The following RAB44 variants were observed in gnomAD, a reference collection of about 807,000 sequenced individuals.
The protein encoded by RAB44 is ras-related protein Rab-44.
RAB44 carries 67 observed loss-of-function variants against 93.3 expected under a neutral mutation model. The observed-to-expected ratio is 0.72, with a 90% confidence interval of 0.59 to 0.88. The LOEUF is 0.88. Ranked by LOEUF, RAB44 falls within the 40% of genes least tolerant of loss-of-function variation. RAB44 has a pLI of 0.00. For missense variants in RAB44, 1,064 were observed against 1,261.7 expected (o/e 0.84, Z 2.37); for synonymous variants, 427 against 520.3 (o/e 0.82, Z 2.44).
At chr6:36,710,435 C>T (rs9470378) in intron 2 of RAB44, among the ~76,000 whole-genome samples, 32,891 of 152,100 alleles carry the variant, frequency 0.22, 6,509 homozygotes, top group African/African-American at 0.53. Flanking sequence ...ATTTTGTCTA[C>T]CCTCTTATCT....
intron 3 of RAB44, among the ~76,000 whole-genome samples, chr6:36,714,379 C>T (rs1414368869): frequency 6.6e-6 from 1 of 152,164 alleles, no homozygotes; most frequent in Non-Finnish European, 1.5e-5. Flanking sequence ...GAGCCCATGG[C>T]CAGCAGGGCA....
chr6:36,713,984 G>A, intron 3 of RAB44, 45 bp downstream of exon 3: 1 of 1,257,074 alleles, frequency 8.0e-7, no homozygotes, highest in Non-Finnish European at 1.1e-6. Flanking sequence ...GGTGTTCCGT[G>A]CAGTGTGCCC....
chr6:36,720,273 TG>T, intron 7 of RAB44, 89 bp from the exon 8 acceptor site: 1 of 1,086,592 alleles, frequency 9.2e-7, no homozygotes, highest in Non-Finnish European at 1.2e-6. Flanking sequence ...GGACAGGGGG[TG>T]GGGGTCTGTG....
chr6:36,729,478 CTTTCTTTCTTTT>C (rs1476864993), intron 12 of RAB44, among the ~76,000 whole-genome samples: 1 of 149,570 alleles, frequency 6.7e-6, no homozygotes, highest in East Asian at 2.0e-4. Flanking sequence ...TTTTTTCTTT[CTTTCTTTCTTTT>C]TTTTTTTTTT....
chr6:36,726,775 G>A (rs938063923), intron 10 of RAB44, among the ~76,000 whole-genome samples: 1 of 151,600 alleles, frequency 6.6e-6, no homozygotes, highest in East Asian at 1.9e-4. Context: ...CACAAAGACT[G>A]AGGACTCTCT....
chr6:36,703,414 A>C (rs1477261883), intron 1 of RAB44, among the ~76,000 whole-genome samples: 1 of 152,192 alleles, frequency 6.6e-6, no homozygotes, highest in Non-Finnish European at 1.5e-5. Flanking sequence ...ACTGCAGGGA[A>C]GGCTTCTTGG....
rs112332494 is a variant in RAB44, at chr6:36,731,177, A to C, written c.2975+428A>C. The stretch of plus-strand genomic sequence containing the variant: ...CATTCACTCACACCCACACACACTC[A>C]CACTCTTACACACACTCACACTCAC... On this transcript the variant is annotated intron_variant, in intron 13 of 13. Coordinates refer to ENST00000612677, the MANE Select transcript of RAB44 (RefSeq NM_001257357.2). This position sits in a 1 kb window ranked among gnomAD's most constrained non-coding sequence, Gnocchi z 4.0. Among the ~76,000 whole-genome samples the C allele has an allele frequency of 7.5e-6, 1 of 133,354 alleles. No homozygotes were observed. The highest frequency in any genetic ancestry group is 1.7e-5 in the Non-Finnish European group (1 of 57,748). The allele number at this position is 133,354 out of a possible 152,430, so 87.5% of individuals were successfully genotyped here. A position where few individuals can be genotyped will look rare whatever the true frequency, so the allele number is the denominator to read the frequency against.
At position 36,718,063 on chromosome 6, in the gene RAB44, T is replaced by A; in HGVS notation, c.677T>A (p.Leu226His). 1 of 1,231,990 alleles carries A rather than the reference T, an allele frequency of 8.1e-7. No homozygotes were observed. The highest frequency in any genetic ancestry group is 1.0e-6 in the Non-Finnish European group (1 of 987,982). 76.3% of individuals were successfully genotyped at this position (1,231,990 alleles called of 1,614,324 possible). A position where few individuals can be genotyped will look rare whatever the true frequency, so the allele number is the denominator to read the frequency against. The change falls in exon 6 of 14, where the codon CTC (leucine) becomes CAC (histidine). Residue 226 changes from leucine (L) to histidine (H), a missense_variant. Leu to His is a moderately conservative substitution (Grantham distance 99). Coordinates refer to ENST00000612677, the MANE Select transcript of RAB44 (RefSeq NM_001257357.2). ...DSDHHREVQQ[L>H]YEEMEQQIRQ... is the part of the protein sequence containing the mutation. ...GACCACCACCGCGAGGTCCAGCAGC[T>A]CTATGAGGAGATGGAGCAGCAGATC...
At chr6:36,712,905 G>A (rs916773326) in intron 2 of RAB44, among the ~76,000 whole-genome samples, 1 of 152,128 alleles carries the variant, frequency 6.6e-6, no homozygotes, top group Non-Finnish European at 1.5e-5. Flanking sequence ...ATAAAAACAC[G>A]AAATTCACAG....
chr6:36,706,997 C>G (rs1383866886), intron 2 of RAB44, among the ~76,000 whole-genome samples: 1 of 152,064 alleles, frequency 6.6e-6, no homozygotes, highest in Non-Finnish European at 1.5e-5. Flanking sequence ...GATTCAGATA[C>G]CACTTGAAAT....
In RAB44 at chr6:36,718,054, T is replaced by C; in HGVS notation, c.668T>C (p.Val223Ala). The C allele has an allele frequency of 1.6e-6, 2 of 1,231,734 alleles. No individual in the cohort carries two copies. The highest frequency in any genetic ancestry group is 2.0e-6 in the Non-Finnish European group (2 of 987,952). 76.3% of individuals were successfully genotyped at this position (1,231,734 alleles called of 1,614,324 possible). The stretch of plus-strand genomic sequence containing the variant: ...CGTGACTCTGACCACCACCGCGAGG[T>C]CCAGCAGCTCTATGAGGAGATGGAG... ...RKRDSDHHRE[V>A]QQLYEEMEQQ... is the part of the protein sequence containing the mutation. Residue 223 changes from valine (V) to alanine (A), a missense_variant, in exon 6 of 14, where the codon GTC becomes GCC. Physicochemically the swap from Val to Ala is moderately conservative, Grantham distance 64. Transcript: ENST00000612677.
chr6:36,713,960 C>T lies in RAB44; in HGVS notation c.319+21C>T, dbSNP rs563477487. The T allele has an allele frequency of 2.2e-5, 32 of 1,434,306 alleles. No individual in the cohort carries two copies. In the South Asian group the frequency reaches 3.7e-4, roughly 16 times the overall value. The allele number at this position is 1,434,306 out of a possible 1,614,324, so 88.8% of individuals were successfully genotyped here. On this transcript the variant is annotated intron_variant, in intron 3 of 13. Coordinates refer to ENST00000612677, the MANE Select transcript of RAB44 (RefSeq NM_001257357.2). ...ACTCAGTATGTCTGTCTTTGGAGGGCCTCTGGGCACCCAGGTGTTCCGTGC... is the reference window on the plus strand; with the variant it reads ...ACTCAGTATGTCTGTCTTTGGAGGGTCTCTGGGCACCCAGGTGTTCCGTGC...
intron 1 of RAB44, among the ~76,000 whole-genome samples, chr6:36,703,731 G>A (rs1401375012): frequency 6.6e-6 from 1 of 152,114 alleles, no homozygotes; most frequent in Non-Finnish European, 1.5e-5. Flanking sequence ...TGACAGGGGA[G>A]GAGGTGTCGG....
chr6:36,727,760 C>G (rs1260204051), intron 11 of RAB44, 69 bp downstream of exon 11: 11 of 952,474 alleles, frequency 1.2e-5, no homozygotes, highest in Non-Finnish European at 1.8e-5. Flanking sequence ...CCTGCCCACT[C>G]CCTCTTTTCT....
rs1763093368 is a variant in RAB44 at position 36,721,846 on chromosome 6, C to T, written c.1712C>T (p.Thr571Ile). The T allele has an allele frequency of 8.1e-7, 1 of 1,234,862 alleles. No individual in the cohort carries two copies. The highest frequency in any genetic ancestry group is 4.2e-5 in the Admixed American group (1 of 23,716). The allele number at this position is 1,234,862 out of a possible 1,614,324, so 76.5% of individuals were successfully genotyped here. A position where few individuals can be genotyped will look rare whatever the true frequency, so the allele number is the denominator to read the frequency against. ...GAAACCCAGCCCGGACCCTCACCCA[C>T]AACTGCCCTCACAGGAGTGGGCCCA... ...ERETQPGPSPTTALTGVGPAK... is the reference protein window; with the variant it reads ...ERETQPGPSPITALTGVGPAK... Residue 571 changes from threonine (T) to isoleucine (I), a missense_variant, in exon 9 of 14, where the codon ACA (threonine) becomes ATA (isoleucine). Coordinates refer to ENST00000612677, the MANE Select transcript of RAB44 (RefSeq NM_001257357.2).
At position 36,731,140 on chromosome 6, in the gene RAB44, T is replaced by TACACACACACACATTCACTCACACCC. The variant is rs1554190742; in HGVS notation, c.2975+400_2975+425dup. Among the ~76,000 whole-genome samples, 2 of 150,936 alleles carry TACACACACACACATTCACTCACACCC rather than the reference T, an allele frequency of 1.3e-5. No individual in the cohort carries two copies. The highest frequency in any genetic ancestry group is 3.0e-5 in the Non-Finnish European group (2 of 67,720). ...TCTCTAGTGCCATCTCCCCCACCCC[T>TACACACACACACATTCACTCACACCC]ACACACACACACATTCACTCACACC... On this transcript the variant is annotated intron_variant, in intron 13 of 13. Transcript: ENST00000612677. The surrounding 1 kb of genome is among the most constrained non-coding windows in gnomAD (Gnocchi z 4.0).
intron 1 of RAB44, among the ~76,000 whole-genome samples, chr6:36,698,618 G>A (rs1326661513): frequency 2.6e-5 from 4 of 152,158 alleles, no homozygotes; most frequent in Admixed American, 6.5e-5. Flanking sequence ...CTATATGTGT[G>A]TCCTAGCCAT....
intron 9 of RAB44, among the ~76,000 whole-genome samples, chr6:36,724,179 AT>A (rs1056678265): frequency 7.0e-6 from 1 of 143,752 alleles, no homozygotes; most frequent in Non-Finnish European, 1.5e-5. Flanking sequence ...TTATTTATTT[AT>A]TTTTTGAGAT....
In RAB44 at chr6:36,717,087, A is replaced by T. The variant is rs570182239; in HGVS notation, c.495-186A>T. The stretch of plus-strand genomic sequence containing the variant: ...GCGGGGGTTCGAGAAGGGAGAGGGC[A>T]CATCTGGGAATGGTTCCTGGAGGAG... On this transcript the variant is annotated intron_variant, in intron 4 of 13. Transcript: ENST00000612677. This position sits in a 1 kb window ranked among gnomAD's most constrained non-coding sequence, Gnocchi z 4.1. Among the ~76,000 whole-genome samples, 1 of 152,296 alleles carries T rather than the reference A, an allele frequency of 6.6e-6. No individual in the cohort carries two copies. Among genetic ancestry groups the T allele is most frequent in the Admixed American group, 6.5e-5 (1 of 15,304 alleles).
Sources: allele counts gnomAD v4.1 joint callset (sites outside exome capture counted in the v4.1 genomes callset), GRCh38; gene constraint gnomAD v4.1.1; non-coding constraint Gnocchi (gnomAD v3.1); transcripts MANE v1.5; gene names NCBI Gene and HGNC (gene_info 2026-07-23, HGNC 2026-07-21).